The following ADGRB3 variants were observed in gnomAD, a reference collection of about 807,000 sequenced individuals.
The protein encoded by ADGRB3 is brain-specific angiogenesis inhibitor 3.
ADGRB3 carries 37 observed loss-of-function variants against 193.4 expected under a neutral mutation model. The observed-to-expected ratio is 0.19, with a 90% CI of 0.15 to 0.25. The LOEUF (loss-of-function observed/expected upper bound fraction) is 0.25, where lower values mean the gene tolerates loss of function less well. Ranked by LOEUF, ADGRB3 falls within the 10% of genes least tolerant of loss-of-function variation. The pLI, the probability that ADGRB3 is intolerant of heterozygous loss-of-function variation, is 1.00. For missense variants in ADGRB3, 1,637 were observed against 1,852.9 expected (o/e 0.88, Z 2.14); for synonymous variants, 690 against 644.2 (o/e 1.07, Z -1.08).
intron 20 of ADGRB3, among the ~76,000 whole-genome samples, chr6:69,249,525 A>C (rs1766574749): frequency 6.6e-6 from 1 of 152,204 alleles, no homozygotes; most frequent in South Asian, 2.1e-4. Context: ...CCCTTATTAG[A>C]GAAACTCTTT....
At chr6:69,047,994 T>G (rs1380720061) in intron 13 of ADGRB3, among the ~76,000 whole-genome samples, 191 bp from the exon 14 acceptor site, 1 of 152,182 alleles carries the variant, frequency 6.6e-6, no homozygotes, top group Non-Finnish European at 1.5e-5. Context: ...AAACTAAGAC[T>G]GATAAGTAAA....
intron 17 of ADGRB3, among the ~76,000 whole-genome samples, chr6:69,210,104 A>G (rs911821312): frequency 7.5e-6 from 1 of 133,612 alleles, no homozygotes; most frequent in Middle Eastern, 3.8e-3. Context: ...ATATATGTAT[A>G]TAGATACACA....
intron 17 of ADGRB3, 45 bp downstream of exon 17, chr6:69,076,083 A>G: frequency 6.4e-7 from 1 of 1,558,460 alleles, no homozygotes; most frequent in Admixed American, 1.7e-5. Flanking sequence ...CTAAATTTTC[A>G]AAGCACATTA....
Position 68,956,061 on chromosome 6 carries a change from G to A in ADGRB3, c.1233G>A (p.Gln411=). 1.2e-6 allele frequency: 2 copies of A among 1,613,942 alleles called. No homozygotes were observed. The highest frequency in any genetic ancestry group is 1.7e-6 in the Non-Finnish European group (2 of 1,179,936). The change falls in exon 7 of 32, where the codon CAG becomes CAA. Residue 411 remains glutamine, a synonymous_variant. Coordinates refer to ENST00000370598, the MANE Select transcript of ADGRB3 (RefSeq NM_001704.3). The stretch of plus-strand genomic sequence containing the variant: ...GGCAAGAGTGGAGTTCGTGGAGCCA[G>A]TGCTCAGTAACGTGCTCGAATGGGA... The part of the protein sequence containing the change: ...GQWQEWSSWS[Q]CSVTCSNGTQ...
chr6:68,878,217 A>G (rs1443646792), intron 3 of ADGRB3, among the ~76,000 whole-genome samples: 1 of 152,006 alleles, frequency 6.6e-6, no homozygotes, highest in Non-Finnish European at 1.5e-5. Flanking sequence ...CAATATTTTT[A>G]TCCTGATTTC....
chr6:68,931,717 C>T (rs985661439), intron 4 of ADGRB3, among the ~76,000 whole-genome samples: 14 of 152,036 alleles, frequency 9.2e-5, no homozygotes, highest in African/African-American at 3.4e-4. Flanking sequence ...TCTGAATCTA[C>T]AGTATAAAAA....
At chr6:69,308,574 C>A (rs1768113732) in intron 20 of ADGRB3, among the ~76,000 whole-genome samples, 1 of 151,424 alleles carries the variant, frequency 6.6e-6, no homozygotes. Context: ...TGTATTAATA[C>A]CAAAGGTAAT....
chr6:69,139,354 C>T (rs1774248158), intron 17 of ADGRB3, among the ~76,000 whole-genome samples: 3 of 152,140 alleles, frequency 2.0e-5, no homozygotes, highest in African/African-American at 7.2e-5. Flanking sequence ...TCCTTAGTAC[C>T]CTGTTAGTAC....
intron 20 of ADGRB3, among the ~76,000 whole-genome samples, chr6:69,289,492 G>A (rs1767620234): frequency 1.3e-5 from 2 of 152,104 alleles, no homozygotes; most frequent in Non-Finnish European, 2.9e-5. Context: ...TTTAATTTCA[G>A]GTGTTACGGT....
chr6:69,057,804 C>T (rs1482745267), intron 15 of ADGRB3, among the ~76,000 whole-genome samples: 1 of 151,934 alleles, frequency 6.6e-6, no homozygotes, highest in Non-Finnish European at 1.5e-5. Flanking sequence ...GATATATAAA[C>T]TTTTTAACAT....
chr6:68,762,900 C>CA (rs1766438411), intron 3 of ADGRB3, among the ~76,000 whole-genome samples: 1 of 152,158 alleles, frequency 6.6e-6, no homozygotes, highest in Non-Finnish European at 1.5e-5. Context: ...AAGGGAGGGA[C>CA]ATAGGGTTTA....
intron 20 of ADGRB3, among the ~76,000 whole-genome samples, chr6:69,301,745 A>T (rs1353571265): frequency 6.6e-6 from 1 of 151,972 alleles, no homozygotes; most frequent in Non-Finnish European, 1.5e-5. Context: ...GAAAAAGAAA[A>T]TAACTCATGA....
chr6:68,734,644 A>G (rs1456103618), intron 3 of ADGRB3, among the ~76,000 whole-genome samples: 1 of 152,040 alleles, frequency 6.6e-6, no homozygotes, highest in Non-Finnish European at 1.5e-5. Flanking sequence ...AATGAAAATG[A>G]GGAGAGGAGA....
chr6:68,696,283 AT>A (rs776066090), intron 3 of ADGRB3, among the ~76,000 whole-genome samples: 1 of 151,044 alleles, frequency 6.6e-6, no homozygotes. Flanking sequence ...AGCTGAATGT[AT>A]TTTTTTTTAC....
chr6:68,698,097 A>T (rs1287452249), intron 3 of ADGRB3, among the ~76,000 whole-genome samples: 1 of 151,796 alleles, frequency 6.6e-6, no homozygotes, highest in Non-Finnish European at 1.5e-5. Context: ...ATTCATAAAC[A>T]TATGGTATTG....
At chr6:68,668,572 T>C (rs897008933) in intron 3 of ADGRB3, among the ~76,000 whole-genome samples, 12 of 152,002 alleles carry the variant, frequency 7.9e-5, no homozygotes, top group African/African-American at 2.7e-4. Context: ...AAATAATTTA[T>C]TTTCAAATTG....
At chr6:69,243,857 A>G (rs1225501863) in intron 20 of ADGRB3, among the ~76,000 whole-genome samples, 3 of 152,026 alleles carry the variant, frequency 2.0e-5, no homozygotes, top group Non-Finnish European at 4.4e-5. Flanking sequence ...ACTGGCACAT[A>G]TATAGTATCA....
intron 3 of ADGRB3, among the ~76,000 whole-genome samples, chr6:68,709,940 T>C (rs1355739066): frequency 6.6e-6 from 1 of 152,202 alleles, no homozygotes; most frequent in Non-Finnish European, 1.5e-5. Context: ...GCCTGTGGCA[T>C]TCCTTACTGC....
intron 3 of ADGRB3, among the ~76,000 whole-genome samples, chr6:68,693,442 G>T (rs979001414): frequency 6.6e-6 from 1 of 151,880 alleles, no homozygotes. Flanking sequence ...AAAAAAGAAA[G>T]GTGGTTAGTG....
Sources: allele counts gnomAD v4.1 joint callset (sites outside exome capture counted in the v4.1 genomes callset), GRCh38; gene constraint gnomAD v4.1.1; transcripts MANE v1.5; gene names NCBI Gene and HGNC (gene_info 2026-07-23, HGNC 2026-07-21).